The following PTGER3 variants were observed in gnomAD, a reference collection of about 807,000 sequenced individuals.
PTGER3 encodes the protein prostaglandin E receptor 3, also known as prostaglandin E2 receptor EP3 subtype.
In PTGER3, 22 loss-of-function variants were observed where a neutral mutation model predicts 34.7. The observed-to-expected ratio is 0.63, with a 90% confidence interval of 0.45 to 0.91. The LOEUF (loss-of-function observed/expected upper bound fraction) is 0.91, where lower values mean the gene tolerates loss of function less well. Among genes scored for constraint, PTGER3 ranks in the 40% least tolerant of loss-of-function variants. The pLI, the probability that PTGER3 is intolerant of heterozygous loss-of-function variation, is 0.00. For missense variants in PTGER3, 468 were observed against 519.4 expected (o/e 0.90, Z 0.96); for synonymous variants, 241 against 230.1 (o/e 1.05, Z -0.43).
chr1:71,047,668 A>T lies in PTGER3; in HGVS notation c.-91T>A, dbSNP rs1660989473. 1 of 1,405,940 alleles carries T rather than the reference A, an allele frequency of 7.1e-7. No individual in the cohort carries two copies. 87.1% of individuals were successfully genotyped at this position (1,405,940 alleles called of 1,614,324 possible). On this transcript the variant is annotated 5_prime_UTR_variant, in exon 1 of 4. Transcript: ENST00000306666. ...CGGGCGGCGGCGGAGGTCGGCGTTT[A>T]CCGCGGCTGGGGCTGGGCTGCCCCC...
At chr1:70,861,811 G>A (rs1044573698) in intron 4 of PTGER3, among the ~76,000 whole-genome samples, 5 of 151,602 alleles carry the variant, frequency 3.3e-5, no homozygotes, top group Non-Finnish European at 7.4e-5. Flanking sequence ...TTTTTTGTAC[G>A]GAAAGCAAAC....
chr1:70,981,925 T>A (rs1268015875), intron 2 of PTGER3, among the ~76,000 whole-genome samples: 1 of 152,104 alleles, frequency 6.6e-6, no homozygotes. Flanking sequence ...CCCACAGTTA[T>A]CCTCACTCAG....
chr1:70,966,497 A>C (rs1359978224), downstream of PTGER3, among the ~76,000 whole-genome samples: 1 of 152,140 alleles, frequency 6.6e-6, no homozygotes, highest in Non-Finnish European at 1.5e-5. Context: ...ATTCTAAAAA[A>C]AACAGGATGC....
chr1:71,009,767 T>A, intron 2 of PTGER3: 1 of 985,222 alleles, frequency 1.0e-6, no homozygotes, highest in Non-Finnish European at 1.2e-6. Flanking sequence ...ATTAGACATA[T>A]GTATGGACAA....
At chr1:71,015,076 T>C (rs1030185007) in intron 1 of PTGER3, among the ~76,000 whole-genome samples, 2 of 152,230 alleles carry the variant, frequency 1.3e-5, no homozygotes, top group Non-Finnish European at 1.5e-5. Flanking sequence ...TTGGCCTTTA[T>C]TCTTTCTTTT....
At chr1:70,909,631 G>A (rs1213153563) in intron 4 of PTGER3, among the ~76,000 whole-genome samples, 1 of 152,118 alleles carries the variant, frequency 6.6e-6, no homozygotes, top group Non-Finnish European at 1.5e-5. Flanking sequence ...GTGTGGAGTG[G>A]GCAGGAAATG....
chr1:70,886,328 A>G (rs1646498766), intron 4 of PTGER3: 1 of 448,894 alleles, frequency 2.2e-6, no homozygotes. Flanking sequence ...GGCCTCCAGA[A>G]CTGTGAGAAA....
At chr1:70,957,086 A>G (rs1651421972) in intron 2 of PTGER3, among the ~76,000 whole-genome samples, 1 of 152,186 alleles carries the variant, frequency 6.6e-6, no homozygotes, top group Non-Finnish European at 1.5e-5. Context: ...AAATCCCCAA[A>G]TAAGAAAGTC....
chr1:70,934,915 A>G (rs980672608), intron 4 of PTGER3, among the ~76,000 whole-genome samples: 1 of 152,158 alleles, frequency 6.6e-6, no homozygotes, highest in African/African-American at 2.4e-5. Context: ...TGCTTCCTCA[A>G]ATTGACCTTG....
At chr1:70,976,426 A>G (rs1653709626) in intron 2 of PTGER3, among the ~76,000 whole-genome samples, 1 of 152,158 alleles carries the variant, frequency 6.6e-6, no homozygotes, top group South Asian at 2.1e-4. Context: ...GGAGGAGGCT[A>G]TGCATATGTG....
At chr1:70,941,424 G>T (rs1649750247) in intron 4 of PTGER3, among the ~76,000 whole-genome samples, 2 of 152,066 alleles carry the variant, frequency 1.3e-5, no homozygotes, top group Non-Finnish European at 2.9e-5. Flanking sequence ...GATTACTATA[G>T]TTGACCTCAT....
intron 4 of PTGER3, among the ~76,000 whole-genome samples, chr1:70,911,351 A>G (rs1388038260): frequency 1.3e-5 from 2 of 151,946 alleles, no homozygotes; most frequent in African/African-American, 4.8e-5. Flanking sequence ...TTGTTTTCCA[A>G]TCCAAAAACT....
intron 4 of PTGER3, among the ~76,000 whole-genome samples, chr1:70,856,225 T>C (rs1645800047): frequency 6.6e-6 from 1 of 152,100 alleles, no homozygotes; most frequent in Non-Finnish European, 1.5e-5. Context: ...CTTTATGACC[T>C]AGCCAAGATA....
At chr1:70,931,827 A>G (rs1648731826) in intron 4 of PTGER3, among the ~76,000 whole-genome samples, 1 of 152,130 alleles carries the variant, frequency 6.6e-6, no homozygotes, top group Admixed American at 6.6e-5. Context: ...GACCTATGAC[A>G]TGCCCTGGGT....
chr1:70,899,687 T>G (rs115571486), intron 4 of PTGER3, among the ~76,000 whole-genome samples: 508 of 151,988 alleles, frequency 3.3e-3, no homozygotes, highest in African/African-American at 0.012. Context: ...TTTATGCTAG[T>G]AGTTGTGTGA....
At chr1:70,926,484 CTG>C (rs1648100034) in intron 4 of PTGER3, among the ~76,000 whole-genome samples, 1 of 152,002 alleles carries the variant, frequency 6.6e-6, no homozygotes, top group Admixed American at 6.6e-5. Context: ...CTCTGTTTGT[CTG>C]TTATTGGTGT....
chr1:70,875,430 TGTTTTAGGA>T (rs763719774), intron 4 of PTGER3, among the ~76,000 whole-genome samples: 97 of 152,326 alleles, frequency 6.4e-4, no homozygotes, highest in Non-Finnish European at 1.2e-3. Flanking sequence ...CCTGTGTCCT[TGTTTTAGGA>T]GAAGAATACA....
intron 1 of PTGER3, among the ~76,000 whole-genome samples, chr1:71,037,369 T>A (rs1289622525): frequency 6.6e-6 from 1 of 152,204 alleles, no homozygotes; most frequent in Non-Finnish European, 1.5e-5. Context: ...ATTGTCATTG[T>A]CTTACAATAT....
intron 2 of PTGER3, among the ~76,000 whole-genome samples, chr1:70,994,808 T>G (rs966667723): frequency 6.6e-6 from 1 of 152,192 alleles, no homozygotes; most frequent in African/African-American, 2.4e-5. Flanking sequence ...TTGCCTTTTT[T>G]TTATTTGTAC....
Sources: allele counts gnomAD v4.1 joint callset (sites outside exome capture counted in the v4.1 genomes callset), GRCh38; gene constraint gnomAD v4.1.1; transcripts MANE v1.5; gene names NCBI Gene and HGNC (gene_info 2026-07-23, HGNC 2026-07-21).